Variants in VPS37A observed in about 807,000 individuals in gnomAD.
VPS37A encodes the protein vacuolar protein sorting-associated protein 37A.
Under a neutral mutation model 49.8 loss-of-function variants are expected in VPS37A, and 30 were observed. That is an observed-to-expected ratio of 0.60 (90% CI 0.45 to 0.82). VPS37A has a LOEUF of 0.82. Ranked by LOEUF, VPS37A falls within the 40% of genes least tolerant of loss-of-function variation. The pLI, the probability that VPS37A is intolerant of heterozygous loss-of-function variation, is 0.00. For missense variants in VPS37A, 593 were observed against 464.4 expected, an observed-to-expected ratio of 1.28 and a Z score of -2.55; for synonymous variants, 195 against 160.6, an observed-to-expected ratio of 1.21 and a Z score of -1.62.
At chr8:17,264,350 T>C (rs902686313) in intron 1 of VPS37A, among the ~76,000 whole-genome samples, 2 of 152,204 alleles carry the variant, frequency 1.3e-5, no homozygotes, top group Non-Finnish European at 2.9e-5. Flanking sequence ...ATAAAAAATT[T>C]AGGCCATTCT....
At chr8:17,272,635 A>G (rs1053536953) in intron 4 of VPS37A, among the ~76,000 whole-genome samples, 9 of 152,190 alleles carry the variant, frequency 5.9e-5, no homozygotes, top group Non-Finnish European at 1.2e-4. Flanking sequence ...AAATTCAAAG[A>G]TATTACAAAT....
intron 11 of VPS37A, among the ~76,000 whole-genome samples, chr8:17,293,061 A>G (rs1031765145): frequency 3.3e-5 from 5 of 152,196 alleles, no homozygotes; most frequent in African/African-American, 9.6e-5. Flanking sequence ...ACTTGGTTCC[A>G]GTCTCTCTGT....
At chr8:17,290,602 G>T (rs962363256) in intron 11 of VPS37A, among the ~76,000 whole-genome samples, 1 of 152,140 alleles carries the variant, frequency 6.6e-6, no homozygotes, top group African/African-American at 2.4e-5. Flanking sequence ...GAGGATTTTC[G>T]CATTGATGTT....
downstream of VPS37A, chr8:17,304,306 G>C (rs924759038): frequency 6.5e-6 from 10 of 1,531,844 alleles, no homozygotes; most frequent in African/African-American, 1.1e-4. Flanking sequence ...CATACACTTT[G>C]ACCTCTGAAT....
At chr8:17,291,639 C>T (rs1162058225) in intron 11 of VPS37A, among the ~76,000 whole-genome samples, 1 of 152,112 alleles carries the variant, frequency 6.6e-6, no homozygotes, top group Non-Finnish European at 1.5e-5. Context: ...CCTCTAAACA[C>T]AGTTTTGCTC....
At position 17,247,073 on chromosome 8, in the gene VPS37A, C is replaced by T; in HGVS notation, c.-172C>T. 1.2e-6 allele frequency: 1 copy of T among 827,684 alleles called. No homozygotes were observed. The highest frequency in any genetic ancestry group is 1.8e-6 in the Non-Finnish European group (1 of 540,730). The allele number at this position is 827,684 out of a possible 1,614,324, so 51.3% of individuals were successfully genotyped here. On this transcript the variant is annotated 5_prime_UTR_variant, in exon 1 of 12. Transcript: ENST00000324849. Reference sequence around the variant, plus strand: ...AGCCGCCCGCCGTTCGTAGCATGTCCCCCAGAACTCGGGGAGCGCAGGCAG... The same window carrying T: ...AGCCGCCCGCCGTTCGTAGCATGTCTCCCAGAACTCGGGGAGCGCAGGCAG...
the VPS37A span, among the ~76,000 whole-genome samples, chr8:17,329,900 T>G: frequency 2.6e-5 from 4 of 152,164 alleles, no homozygotes; most frequent in Non-Finnish European, 5.9e-5. Flanking sequence ...CTGCCAATTA[T>G]GTACAGAAGA....
rs143181812 is a variant in VPS37A, at chr8:17,258,830, T to C, written c.126-7077T>C. 3.9e-5 allele frequency among the ~76,000 whole-genome samples: 6 copies of C among 152,236 alleles called. No homozygotes were observed. The East Asian group carries it at 1.2e-3, about 29-fold the overall frequency. ...TGAAGTTTTCTATTTTATCATGGTT[T>C]AATCTTAGTAGGTTGTATATGTCCG... On this transcript the variant is annotated intron_variant, in intron 1 of 11. Coordinates refer to ENST00000324849, the MANE Select transcript of VPS37A (RefSeq NM_152415.3).
intron 3 of VPS37A, 70 bp from the exon 4 acceptor site, chr8:17,268,786 C>T (rs1261590760): frequency 9.8e-7 from 1 of 1,021,518 alleles, no homozygotes; most frequent in African/African-American, 1.6e-5. Context: ...TTTAGAGTGA[C>T]ATTATCCTAA....
chr8:17,316,791 T>G, the VPS37A span, among the ~76,000 whole-genome samples: 2 of 152,176 alleles, frequency 1.3e-5, no homozygotes, highest in African/African-American at 2.4e-5. Flanking sequence ...AGGATGTGCA[T>G]AGGCTATATG....
intron 1 of VPS37A, among the ~76,000 whole-genome samples, chr8:17,262,589 G>A (rs1813057331): frequency 6.6e-6 from 1 of 151,948 alleles, no homozygotes; most frequent in African/African-American, 2.4e-5. Flanking sequence ...GTGTGTGTGT[G>A]TGTGTGTGTG....
At chr8:17,300,781 C>A (rs1209760948), downstream of VPS37A, among the ~76,000 whole-genome samples, 2 of 152,230 alleles carry the variant, frequency 1.3e-5, no homozygotes, top group Non-Finnish European at 2.9e-5. Flanking sequence ...ATTCCTATCT[C>A]CCCACAGCCC....
At chr8:17,309,307 C>T in the VPS37A span, 1 of 1,567,288 alleles carries the variant, frequency 6.4e-7, no homozygotes, top group Non-Finnish European at 8.8e-7. Flanking sequence ...AAAGGAAATC[C>T]AGTCCTTTTC....
the VPS37A span, chr8:17,311,908 C>A: frequency 1.1e-5 from 4 of 364,092 alleles, no homozygotes; most frequent in East Asian, 2.0e-4. Context: ...AGCATTCGTC[C>A]TATGCAAACG....
chr8:17,247,887 C>G (rs1811472817), intron 1 of VPS37A: 8 of 648,570 alleles, frequency 1.2e-5, no homozygotes, highest in Non-Finnish European at 1.9e-5. Context: ...CTTCTTGAGT[C>G]TCTAAGATTT....
chr8:17,276,329 T>A, intron 5 of VPS37A, 68 bp from the exon 6 acceptor site: 1 of 1,246,378 alleles, frequency 8.0e-7, no homozygotes, highest in Non-Finnish European at 1.2e-6. Flanking sequence ...AAAGATTACG[T>A]TTATTAGTAA....
At chr8:17,308,273 T>A in the VPS37A span, among the ~76,000 whole-genome samples, 1 of 152,154 alleles carries the variant, frequency 6.6e-6, no homozygotes, top group Non-Finnish European at 1.5e-5. Context: ...GTCATCTGTC[T>A]CCTATCTTGG....
the VPS37A span, chr8:17,309,251 T>G: frequency 7.7e-6 from 11 of 1,425,214 alleles, no homozygotes; most frequent in Admixed American, 3.8e-5. Flanking sequence ...TTCTAAACAT[T>G]CAAAACAGTC....
chr8:17,265,514 C>G (rs1813365557), intron 1 of VPS37A, among the ~76,000 whole-genome samples: 2 of 152,246 alleles, frequency 1.3e-5, no homozygotes, highest in Non-Finnish European at 2.9e-5. Flanking sequence ...AAGACCCAGA[C>G]TTCCCCAGCT....
Sources: gnomAD v4.1 joint callset for allele counts (sites outside exome capture counted in the v4.1 genomes callset) on GRCh38, gnomAD v4.1.1 for gene constraint, MANE v1.5 for transcripts, NCBI Gene and HGNC (gene_info 2026-07-23, HGNC 2026-07-21) for gene names.